The following SLC35F3 variants were observed in gnomAD, a reference collection of about 807,000 sequenced individuals.
SLC35F3 encodes putative thiamine transporter SLC35F3.
Under a neutral mutation model 49.9 loss-of-function variants are expected in SLC35F3, and 25 were observed. The ratio of observed to expected loss-of-function variants is 0.50; its 90% CI spans 0.37 to 0.70. The LOEUF is 0.70. Ranked by LOEUF, SLC35F3 falls within the 30% of genes least tolerant of loss-of-function variation. SLC35F3 has a pLI of 0.00. For synonymous variants in SLC35F3, 275 were observed against 265.4 expected, an observed-to-expected ratio of 1.04 and a Z score of -0.35; for missense variants, 525 against 639.8, an observed-to-expected ratio of 0.82 and a Z score of 1.94.
chr1:233,935,704 A>G (rs1662313151), intron 2 of SLC35F3, among the ~76,000 whole-genome samples: 1 of 152,124 alleles, frequency 6.6e-6, no homozygotes, highest in Non-Finnish European at 1.5e-5. Context: ...AGTTCCTCTC[A>G]TGAGCTACTT....
At chr1:234,177,716 A>T (rs1666497197) in intron 2 of SLC35F3, among the ~76,000 whole-genome samples, 1 of 152,190 alleles carries the variant, frequency 6.6e-6, no homozygotes, top group African/African-American at 2.4e-5. Context: ...AGAATTTGCA[A>T]ATCAGGTGAG....
chr1:234,036,341 C>T (rs551084011), intron 2 of SLC35F3, among the ~76,000 whole-genome samples: 36 of 152,204 alleles, frequency 2.4e-4, no homozygotes, highest in Non-Finnish European at 4.6e-4. Flanking sequence ...ACTGAGATTA[C>T]AGGCATGAGC....
At chr1:233,975,306 C>A (rs1365254080) in intron 2 of SLC35F3, among the ~76,000 whole-genome samples, 3 of 152,222 alleles carry the variant, frequency 2.0e-5, no homozygotes, top group Non-Finnish European at 4.4e-5. Flanking sequence ...AAGTCATAGA[C>A]CCCTGGTAGT....
At chr1:234,098,126 T>C (rs868447457) in intron 2 of SLC35F3, among the ~76,000 whole-genome samples, 6 of 140,102 alleles carry the variant, frequency 4.3e-5, no homozygotes, top group African/African-American at 5.5e-5. Flanking sequence ...GTGGTGGTGG[T>C]GGCAGTTCAG....
intron 2 of SLC35F3, among the ~76,000 whole-genome samples, chr1:234,000,264 G>C (rs1215262559): frequency 6.6e-6 from 1 of 152,192 alleles, no homozygotes; most frequent in Non-Finnish European, 1.5e-5. Context: ...TAGTTAGTTA[G>C]GATTGCAGTC....
intron 2 of SLC35F3, among the ~76,000 whole-genome samples, chr1:233,940,142 T>G (rs7545968): frequency 0.1 from 15,894 of 152,134 alleles, 941 homozygotes; most frequent in Middle Eastern, 0.16. Flanking sequence ...AATCTGCACT[T>G]TGTTCTGCGG....
intron 2 of SLC35F3, among the ~76,000 whole-genome samples, chr1:234,051,217 A>C (rs1664371468): frequency 6.6e-6 from 1 of 152,166 alleles, no homozygotes; most frequent in Non-Finnish European, 1.5e-5. Flanking sequence ...TGAATCTGTA[A>C]ATTACCTTGG....
chr1:234,208,022 AAAAAG>A (rs1412178856), intron 2 of SLC35F3, among the ~76,000 whole-genome samples: 3 of 152,188 alleles, frequency 2.0e-5, no homozygotes, highest in African/African-American at 7.2e-5. Flanking sequence ...TATGAAAGAA[AAAAAG>A]AAAAGAAAAA....
At chr1:233,909,927 C>T (rs116243744) in intron 2 of SLC35F3, among the ~76,000 whole-genome samples, 58 of 152,362 alleles carry the variant, frequency 3.8e-4, no homozygotes, top group African/African-American at 1.4e-3. Context: ...TCCTGACCCT[C>T]TCCTTCCTCA....
intron 3 of SLC35F3, among the ~76,000 whole-genome samples, chr1:234,240,776 C>G (rs1420547461): frequency 6.6e-6 from 1 of 152,032 alleles, no homozygotes; most frequent in Non-Finnish European, 1.5e-5. Flanking sequence ...TCAGATTAAC[C>G]AGGTAGCTGA....
chr1:234,028,658 A>T (rs1002241810), intron 2 of SLC35F3, among the ~76,000 whole-genome samples: 8 of 152,240 alleles, frequency 5.3e-5, no homozygotes, highest in Non-Finnish European at 1.5e-5. Context: ...AAGAAACACA[A>T]TACTAATACA....
chr1:234,157,365 C>T (rs888866572), intron 2 of SLC35F3, among the ~76,000 whole-genome samples: 2 of 152,224 alleles, frequency 1.3e-5, no homozygotes, highest in African/African-American at 4.8e-5. Context: ...CACGCTGCTG[C>T]GCTGCTCAGA....
chr1:234,173,784 T>C (rs1404860437), intron 2 of SLC35F3, among the ~76,000 whole-genome samples: 5 of 152,180 alleles, frequency 3.3e-5, no homozygotes, highest in African/African-American at 9.7e-5. Flanking sequence ...CCAAGGCCAT[T>C]TGGACTCCTT....
At chr1:234,196,316 G>T (rs1320059358) in intron 2 of SLC35F3, among the ~76,000 whole-genome samples, 2 of 152,232 alleles carry the variant, frequency 1.3e-5, no homozygotes, top group East Asian at 3.8e-4. Context: ...AAATATGGCT[G>T]CAGAACTGCC....
At chr1:234,117,451 G>A (rs910568813) in intron 2 of SLC35F3, among the ~76,000 whole-genome samples, 1 of 152,084 alleles carries the variant, frequency 6.6e-6, no homozygotes, top group Admixed American at 6.5e-5. Flanking sequence ...AATTAGCTGG[G>A]TATGGTGGCA....
At chr1:234,068,633 C>T (rs150426033) in intron 2 of SLC35F3, among the ~76,000 whole-genome samples, 89 of 151,330 alleles carry the variant, frequency 5.9e-4, no homozygotes, top group African/African-American at 2.1e-3. Flanking sequence ...CAGGAATAGC[C>T]AGTAATCTGG....
intron 2 of SLC35F3, among the ~76,000 whole-genome samples, chr1:234,144,605 C>T (rs1665970277): frequency 6.6e-6 from 1 of 152,150 alleles, no homozygotes; most frequent in Non-Finnish European, 1.5e-5. Context: ...TGCTAGGCAA[C>T]TATTTTAAAT....
intron 2 of SLC35F3, among the ~76,000 whole-genome samples, chr1:234,030,043 CTTAAA>C (rs562493675): frequency 3.3e-4 from 51 of 152,260 alleles, no homozygotes; most frequent in South Asian, 6.2e-4. Flanking sequence ...TATTCAATCA[CTTAAA>C]TTAAATATGT....
intron 2 of SLC35F3, among the ~76,000 whole-genome samples, chr1:233,990,269 C>T (rs1232231477): frequency 6.6e-6 from 1 of 152,064 alleles, no homozygotes; most frequent in Non-Finnish European, 1.5e-5. Context: ...AGTGCATGCT[C>T]AAGTTTTATT....
Sources: gnomAD v4.1 joint callset for allele counts (sites outside exome capture counted in the v4.1 genomes callset) on GRCh38, gnomAD v4.1.1 for gene constraint, MANE v1.5 for transcripts, NCBI Gene and HGNC (gene_info 2026-07-23, HGNC 2026-07-21) for gene names.